The following GAS7 variants were observed in gnomAD, a reference collection of about 807,000 sequenced individuals.
GAS7 encodes growth arrest-specific protein 7.
In GAS7, 28 loss-of-function variants were observed where a neutral mutation model predicts 71.1. That is an observed-to-expected ratio of 0.39 (90% CI 0.29 to 0.54). The LOEUF is 0.54. Ranked by LOEUF, GAS7 falls within the 20% of genes least tolerant of loss-of-function variation. GAS7 has a pLI of 0.62. For missense variants in GAS7, 436 were observed against 627.8 expected (o/e 0.69, Z 3.27); for synonymous variants, 258 against 245.8 (o/e 1.05, Z -0.46).
chr17:10,160,404 T>C (rs927177875), intron 1 of GAS7, among the ~76,000 whole-genome samples: 5 of 152,214 alleles, frequency 3.3e-5, no homozygotes, highest in Non-Finnish European at 5.9e-5. Context: ...TACAGGACCA[T>C]ATAGAGCTAA....
At chr17:10,189,925 C>T (rs1480423784) in intron 1 of GAS7, among the ~76,000 whole-genome samples, 1 of 149,006 alleles carries the variant, frequency 6.7e-6, no homozygotes, top group Non-Finnish European at 1.5e-5. Flanking sequence ...GGCAACAGAG[C>T]AAGATTCCAT....
Position 10,186,402 on chromosome 17 carries a change from CTTTTTTTT to C in GAS7, c.183+11798_183+11805del, listed in dbSNP as rs71139025. Among the ~76,000 whole-genome samples, 15 of 128,130 alleles carry C rather than the reference CTTTTTTTT, an allele frequency of 1.2e-4. No homozygotes were observed. In the South Asian group the frequency reaches 2.5e-3, roughly 21 times the overall value. 84.1% of individuals were successfully genotyped at this position (128,130 alleles called of 152,430 possible). A position where few individuals can be genotyped will look rare whatever the true frequency, so the allele number is the denominator to read the frequency against. ...AAGCCAGGCCCCACGTATTCAAAGG[CTTTTTTTT>C]TTTTTTTTGAGACCTAGTCTCACTC... On this transcript the variant is annotated intron_variant, in intron 1 of 13. Coordinates refer to ENST00000432992, the MANE Select transcript of GAS7 (RefSeq NM_201433.2).
intron 4 of GAS7, among the ~76,000 whole-genome samples, chr17:9,968,258 G>C (rs9915332): frequency 0.64 from 98,085 of 152,132 alleles, 32,907 homozygotes; most frequent in Middle Eastern, 0.74. Context: ...CATGAGCAGA[G>C]GAGAGAAGGA....
intron 9 of GAS7, among the ~76,000 whole-genome samples, chr17:9,932,085 C>T (rs940040315): frequency 2.0e-5 from 3 of 151,784 alleles, no homozygotes; most frequent in South Asian, 2.1e-4. Context: ...GGAGACTCAG[C>T]GTTTAGGCAC....
chr17:9,918,173 A>C, intron 12 of GAS7, 74 bp from the exon 13 acceptor site: 1 of 1,005,056 alleles, frequency 9.9e-7, no homozygotes, highest in Non-Finnish European at 1.5e-6. Flanking sequence ...CAAGACCACA[A>C]AACGCAAGTC....
Position 9,919,957 on chromosome 17 carries a change from G to T in GAS7, c.1139-252C>A, listed in dbSNP as rs1273339990. On this transcript the variant is annotated intron_variant, in intron 11 of 13. Coordinates refer to ENST00000432992, the MANE Select transcript of GAS7 (RefSeq NM_201433.2). The surrounding 1 kb of genome is among the most constrained non-coding windows in gnomAD (Gnocchi z 5.0). ...CCCCAGATACCAAGGATTCAGGATG[G>T]TGGTTCTCATTTTGTGTGTGTGTGT... Among the ~76,000 whole-genome samples, 2 of 148,552 alleles carry T rather than the reference G, an allele frequency of 1.3e-5. No homozygotes were observed. Among genetic ancestry groups the T allele is most frequent in the East Asian group, 4.0e-4 (2 of 4,964 alleles).
At chr17:10,106,791 C>A (rs1474223543) in intron 1 of GAS7, among the ~76,000 whole-genome samples, 1 of 137,994 alleles carries the variant, frequency 7.2e-6, no homozygotes, top group Admixed American at 7.3e-5. Context: ...CCCCCCCCCC[C>A]AAATATATTA....
chr17:9,982,888 A>C lies in GAS7; in HGVS notation c.305-1004T>G, dbSNP rs371081570. ...AAGAAAGCAAAGAAAGCAAAGAAAG[A>C]GAGAAAACTAATACTGCAAGCTATA... On this transcript the variant is annotated intron_variant, in intron 2 of 13. Coordinates refer to ENST00000432992, the MANE Select transcript of GAS7 (RefSeq NM_201433.2). Among the ~76,000 whole-genome samples the C allele has an allele frequency of 2.2e-4, 34 of 151,962 alleles. No homozygotes were observed. In the South Asian group the frequency reaches 3.7e-3, roughly 17 times the overall value.
At chr17:10,102,205 T>TAAAAAA (rs34961542) in intron 1 of GAS7, among the ~76,000 whole-genome samples, 1 of 70,274 alleles carries the variant, frequency 1.4e-5, no homozygotes, top group Admixed American at 1.8e-4. Context: ...AGAGTGCCCG[T>TAAAAAA]AAAAAAAAAA....
intron 9 of GAS7, among the ~76,000 whole-genome samples, chr17:9,927,294 C>T (rs1028611431): frequency 1.6e-5 from 2 of 125,492 alleles, no homozygotes; most frequent in African/African-American, 3.5e-5. Flanking sequence ...ACTACATACA[C>T]ACACACACAC....
At chr17:10,061,731 C>G (rs2073222395) in intron 1 of GAS7, among the ~76,000 whole-genome samples, 1 of 152,160 alleles carries the variant, frequency 6.6e-6, no homozygotes, top group South Asian at 2.1e-4. Context: ...GCACCCACCC[C>G]CTTTCAGGCC....
intron 2 of GAS7, among the ~76,000 whole-genome samples, chr17:10,007,953 G>A (rs143594238): frequency 7.2e-5 from 11 of 152,166 alleles, no homozygotes; most frequent in South Asian, 2.1e-4. Context: ...TATTCTAGGC[G>A]TTTCATATAA....
intron 1 of GAS7, among the ~76,000 whole-genome samples, chr17:10,122,839 T>G (rs984084682): frequency 1.1e-4 from 16 of 152,196 alleles, no homozygotes; most frequent in African/African-American, 3.6e-4. Context: ...TATTTTTATT[T>G]ATTGATTTTG....
At chr17:10,179,243 C>T (rs970128141) in intron 1 of GAS7, among the ~76,000 whole-genome samples, 6 of 151,792 alleles carry the variant, frequency 4.0e-5, no homozygotes, top group African/African-American at 1.5e-4. Flanking sequence ...GCAGGAGAAT[C>T]GCTTGAAGCT....
rs2072463167 is a variant in GAS7, at chr17:10,026,345, G to C, written c.184-6448C>G. 1 of 953,928 alleles carries C rather than the reference G, an allele frequency of 1.0e-6. No individual in the cohort carries two copies. Among genetic ancestry groups the C allele is most frequent in the Admixed American group, 6.2e-5 (1 of 16,218 alleles). 59.1% of individuals were successfully genotyped at this position (953,928 alleles called of 1,614,324 possible). On this transcript the variant is annotated intron_variant, in intron 1 of 13. Transcript: ENST00000432992. The surrounding 1 kb of genome is among the most constrained non-coding windows in gnomAD (Gnocchi z 4.5). ...CACACCCCCACTCCCCCCACACCCA[G>C]ATCTATATATAACAGCTCTGAAGTT... is the stretch of plus-strand genomic sequence containing the variant.
chr17:10,036,382 G>A (rs2072752096), intron 1 of GAS7: 2 of 1,433,344 alleles, frequency 1.4e-6, no homozygotes, highest in East Asian at 2.3e-5. Flanking sequence ...GAAACATGCA[G>A]AGAAAAGCAA....
At chr17:10,129,258 G>C (rs1567603591) in intron 1 of GAS7, among the ~76,000 whole-genome samples, 1 of 152,202 alleles carries the variant, frequency 6.6e-6, no homozygotes. Flanking sequence ...TCTTGGCCAG[G>C]CACCATGGCT....
rs1023253793 is a variant in GAS7 at position 9,916,280 on chromosome 17, G to C, written c.*948C>G. Reference sequence around the variant, plus strand: ...CTGTGGTGGGCGGCCCGGGAGAGTGGGGGCCAGGGCAGCCCAAAGGTGCAC... The same window carrying C: ...CTGTGGTGGGCGGCCCGGGAGAGTGCGGGCCAGGGCAGCCCAAAGGTGCAC... On this transcript the variant is annotated 3_prime_UTR_variant, in exon 14 of 14. Coordinates refer to ENST00000432992, the MANE Select transcript of GAS7 (RefSeq NM_201433.2). 6.9e-5 allele frequency: 16 copies of C among 233,154 alleles called. No individual in the cohort carries two copies. The allele number at this position is 233,154 out of a possible 1,614,324, so 14.4% of individuals were successfully genotyped here. A position where few individuals can be genotyped will look rare whatever the true frequency, so the allele number is the denominator to read the frequency against.
intron 1 of GAS7, among the ~76,000 whole-genome samples, chr17:10,134,522 G>A (rs1294895593): frequency 2.0e-5 from 3 of 152,104 alleles, no homozygotes; most frequent in African/African-American, 7.2e-5. Context: ...CGTAATAGCT[G>A]AACTGATTTA....
Sources: gnomAD v4.1 joint callset for allele counts (sites outside exome capture counted in the v4.1 genomes callset) on GRCh38, gnomAD v4.1.1 for gene constraint, Gnocchi (gnomAD v3.1) non-coding constraint, MANE v1.5 for transcripts, NCBI Gene and HGNC (gene_info 2026-07-23, HGNC 2026-07-21) for gene names.